The following LDB3 variants were observed in gnomAD, a reference collection of about 807,000 sequenced individuals.
The protein encoded by LDB3 is LIM domain-binding protein 3.
A neutral mutation model predicts 69.0 loss-of-function variants in LDB3; 49 were observed. That is an observed-to-expected ratio of 0.71 (90% CI 0.56 to 0.90). LDB3 has a LOEUF of 0.90. LDB3 is among the 40% of genes least tolerant of loss of function. The pLI is 0.00. For missense variants in LDB3, 928 were observed against 974.1 expected (o/e 0.95, Z 0.63); for synonymous variants, 387 against 396.2 (o/e 0.98, Z 0.28).
At chr10:86,689,910 C>T (rs1164141648) in intron 5 of LDB3, among the ~76,000 whole-genome samples, 1 of 152,254 alleles carries the variant, frequency 6.6e-6, no homozygotes. Context: ...ACTGCAGGAC[C>T]TGTTCCATCT....
rs148618485 is a variant in LDB3 at position 86,695,628 on chromosome 10, C to T, written c.896+3057C>T. Among the ~76,000 whole-genome samples the T allele has an allele frequency of 1.1e-4, 16 of 152,336 alleles. No individual in the cohort carries two copies. The South Asian group carries it at 1.5e-3, about 14-fold the overall frequency. On this transcript the variant is annotated intron_variant, in intron 7 of 13. Transcript: ENST00000361373. Reference sequence around the variant, plus strand: ...GAACTACTCTAGTAGGTATAGGTGACGCTGTGGCTCCCCAGTTTCCATCGG... The same window carrying T: ...GAACTACTCTAGTAGGTATAGGTGATGCTGTGGCTCCCCAGTTTCCATCGG...
intron 9 of LDB3, among the ~76,000 whole-genome samples, chr10:86,714,704 C>T (rs1048195421): frequency 2.0e-5 from 3 of 151,770 alleles, no homozygotes; most frequent in Non-Finnish European, 4.4e-5. Flanking sequence ...TACAGGCACC[C>T]GCCACCACAC....
chr10:86,717,877 A>G (rs1846932932), intron 10 of LDB3, 87 bp from the exon 11 acceptor site: 1 of 1,260,168 alleles, frequency 7.9e-7, no homozygotes. Context: ...TTATTGGGTA[A>G]AAGTATAAAC....
chr10:86,724,008 C>G (rs1472345206), intron 12 of LDB3, among the ~76,000 whole-genome samples: 1 of 152,194 alleles, frequency 6.6e-6, no homozygotes, highest in Non-Finnish European at 1.5e-5. Flanking sequence ...CAGTTTCCTC[C>G]CCTTTAAAAT....
chr10:86,682,266 T>G (rs889205328), intron 5 of LDB3, among the ~76,000 whole-genome samples: 1 of 152,090 alleles, frequency 6.6e-6, no homozygotes, highest in Non-Finnish European at 1.5e-5. Context: ...TATCTGGGAC[T>G]AGGAATAGTC....
chr10:86,730,137 C>A (rs138988669), intron 13 of LDB3, among the ~76,000 whole-genome samples: 1 of 152,312 alleles, frequency 6.6e-6, no homozygotes, highest in African/African-American at 2.4e-5. Flanking sequence ...CTAGGTATAA[C>A]GTCCCCAACT....
intron 13 of LDB3, among the ~76,000 whole-genome samples, chr10:86,728,256 G>A (rs978731916): frequency 5.3e-5 from 8 of 152,200 alleles, no homozygotes; most frequent in Non-Finnish European, 1.5e-5. Context: ...CAGAAGGCCT[G>A]TTTTCCATGG....
chr10:86,670,909 A>G (rs1844437297), intron 2 of LDB3, among the ~76,000 whole-genome samples: 1 of 152,230 alleles, frequency 6.6e-6, no homozygotes, highest in African/African-American at 2.4e-5. Flanking sequence ...GTCCTGGTTC[A>G]GTGCCGCTGG....
In LDB3 at chr10:86,701,453, TG is replaced by T. The variant is rs542913150; in HGVS notation, c.897-5072del. On this transcript the variant is annotated intron_variant, in intron 7 of 13. Transcript: ENST00000361373. ...CCCCAGACCCCTTCATGTAGTGCCC[TG>T]GGGGGCCCCAGGCTGGGTTCCATGT... is the stretch of plus-strand genomic sequence containing the variant. Among the ~76,000 whole-genome samples the T allele has an allele frequency of 7.2e-5, 11 of 152,296 alleles. No homozygotes were observed. The East Asian group carries it at 1.7e-3, about 24-fold the overall frequency.
rs143431229 is a variant in LDB3, at chr10:86,710,259, G to A, written c.1231+209G>A. ...GGGGGAGACAGGTGAGCAAGAAAGC[G>A]GTGGATGATTCTAAGGGAGAGCGAA... On this transcript the variant is annotated intron_variant, in intron 9 of 13. Coordinates refer to ENST00000361373, the MANE Select transcript of LDB3 (RefSeq NM_007078.3). The A allele has an allele frequency of 5.2e-3, 5,112 of 985,326 alleles. 15 individuals are homozygous for A. Among genetic ancestry groups the A allele is most frequent in the Middle Eastern group, 0.013 (25 of 1,914 alleles). The allele number at this position is 985,326 out of a possible 1,614,324, so 61.0% of individuals were successfully genotyped here. A position where few individuals can be genotyped will look rare whatever the true frequency, so the allele number is the denominator to read the frequency against.
chr10:86,730,278 C>A (rs541830337), intron 13 of LDB3, among the ~76,000 whole-genome samples: 3 of 152,288 alleles, frequency 2.0e-5, no homozygotes, highest in Non-Finnish European at 4.4e-5. Context: ...TGGGGGATAC[C>A]TGTATGTGGG....
chr10:86,667,123 A>G (rs1379132735), upstream of LDB3, among the ~76,000 whole-genome samples: 1 of 152,148 alleles, frequency 6.6e-6, no homozygotes, highest in East Asian at 1.9e-4. Flanking sequence ...AAAAGGACAC[A>G]GGTCTTTTCC....
At chr10:86,703,785 C>G (rs1846344137) in intron 7 of LDB3, among the ~76,000 whole-genome samples, 1 of 152,156 alleles carries the variant, frequency 6.6e-6, no homozygotes, top group Non-Finnish European at 1.5e-5. Flanking sequence ...GTATACAGAC[C>G]AGCAGCATCA....
intron 12 of LDB3, among the ~76,000 whole-genome samples, chr10:86,725,372 T>A (rs556064144): frequency 9.8e-4 from 149 of 152,360 alleles, no homozygotes; most frequent in African/African-American, 3.5e-3. Context: ...GTTCAATTTC[T>A]GAGGGATTTT....
intron 7 of LDB3, among the ~76,000 whole-genome samples, chr10:86,692,954 G>A (rs376627131): frequency 3.9e-5 from 6 of 152,184 alleles, no homozygotes; most frequent in African/African-American, 7.2e-5. Flanking sequence ...CTATGATTCC[G>A]AAGGCTGGGC....
At chr10:86,691,731 G>A (rs879105540) in intron 5 of LDB3, among the ~76,000 whole-genome samples, 165 bp from the exon 6 acceptor site, 3 of 152,070 alleles carry the variant, frequency 2.0e-5, no homozygotes, top group Admixed American at 6.5e-5. Flanking sequence ...TCTGAGCACC[G>A]AGAACCCAGG....
chr10:86,732,896 G>T lies in LDB3; in HGVS notation c.2104G>T (p.Val702Leu), dbSNP rs773235586. 6.2e-7 allele frequency: 1 copy of T among 1,613,676 alleles called. No homozygotes were observed. The highest frequency in any genetic ancestry group is 1.7e-5 in the Admixed American group (1 of 59,978). The change falls in exon 14 of 14, where the codon GTG becomes TTG. Residue 702 changes from valine (V) to leucine (L), a missense_variant. Coordinates refer to ENST00000361373, the MANE Select transcript of LDB3 (RefSeq NM_007078.3). ...CTGTTCTCTGCTCCAGGTCTGCCAT[G>T]TGAATCTGGAGGGGCAGCCGTTCTA... ...DTCFICAVCH[V>L]NLEGQPFYSK...
At chr10:86,703,165 T>A (rs1037051766) in intron 7 of LDB3, among the ~76,000 whole-genome samples, 2 of 152,230 alleles carry the variant, frequency 1.3e-5, no homozygotes, top group African/African-American at 2.4e-5. Flanking sequence ...GTCCTTGTCC[T>A]GTGCAGTGTC....
Position 86,700,457 on chromosome 10 carries a change from C to T in LDB3, c.897-6074C>T, listed in dbSNP as rs560296412. Among the ~76,000 whole-genome samples, 11 of 152,320 alleles carry T rather than the reference C, an allele frequency of 7.2e-5. No individual in the cohort carries two copies. The South Asian group carries it at 2.3e-3, about 32-fold the overall frequency. On this transcript the variant is annotated intron_variant, in intron 7 of 13. Transcript: ENST00000361373. ...GGAGCTACTTATGCTCGATCCTGGT[C>T]CAGAGGCGAGAGAAGGGCTCCAGTG...
Sources: gnomAD v4.1 joint callset for allele counts (sites outside exome capture counted in the v4.1 genomes callset) on GRCh38, gnomAD v4.1.1 for gene constraint, MANE v1.5 for transcripts, NCBI Gene and HGNC (gene_info 2026-07-23, HGNC 2026-07-21) for gene names.